The following RYR3 variants were observed in gnomAD, a reference collection of about 807,000 sequenced individuals.
The protein encoded by RYR3 is ryanodine receptor 3, also known as brain ryanodine receptor-calcium release channel.
RYR3 carries 207 observed loss-of-function variants against 584.3 expected under a neutral mutation model. The observed-to-expected ratio is 0.35, with a 90% CI of 0.32 to 0.40. The LOEUF (loss-of-function observed/expected upper bound fraction) is 0.40, where lower values mean the gene tolerates loss of function less well. RYR3 is among the 10% of genes least tolerant of loss of function. RYR3 has a pLI of 1.00. For synonymous variants in RYR3, 2,416 were observed against 2,248.5 expected, an observed-to-expected ratio of 1.07 and a Z score of -2.11; for missense variants, 5,616 against 6,089.2, an observed-to-expected ratio of 0.92 and a Z score of 2.59.
chr15:33,853,146 T>TTAAG, intron 95 of RYR3, 59 bp downstream of exon 95: 2 of 1,391,984 alleles, frequency 1.4e-6, no homozygotes, highest in Non-Finnish European at 1.9e-6. Flanking sequence ...TGTATGTTTT[T>TTAAG]TAAGTTCTCC....
chr15:33,337,934 ATTTTTTTTTTTTTT>A (rs199625940), intron 1 of RYR3, among the ~76,000 whole-genome samples: 9,439 of 113,764 alleles, frequency 0.083, 653 homozygotes, highest in African/African-American at 0.19. Flanking sequence ...ATTTTAGGAG[ATTTTTTTTTTTTTT>A]TTTTTTTTTT....
In RYR3 at chr15:33,334,347, G is replaced by A. The variant is rs918960921; in HGVS notation, c.51+23251G>A. Among the ~76,000 whole-genome samples the A allele has an allele frequency of 2.6e-5, 4 of 152,138 alleles. 1 individual carries two copies. The highest frequency in any genetic ancestry group is 2.6e-4 in the Admixed American group (4 of 15,276). On this transcript the variant is annotated intron_variant, in intron 1 of 103. Transcript: ENST00000634891. ...ACAAGAACAGACACATAGACCGATG[G>A]AACAGAATAGAGAACGCAGAAATAA...
At chr15:33,354,999 C>T (rs1973768090) in intron 1 of RYR3, among the ~76,000 whole-genome samples, 1 of 152,058 alleles carries the variant, frequency 6.6e-6, no homozygotes, top group African/African-American at 2.4e-5. Context: ...GCCTGGCCAA[C>T]ATGGTGAAAC....
intron 64 of RYR3, among the ~76,000 whole-genome samples, chr15:33,776,018 G>C (rs755821869): frequency 6.6e-6 from 1 of 152,138 alleles, no homozygotes; most frequent in Non-Finnish European, 1.5e-5. Flanking sequence ...TGTCTTCCCA[G>C]TTTCTTTTCA....
intron 2 of RYR3, among the ~76,000 whole-genome samples, chr15:33,484,285 AGAG>A (rs2050222400): frequency 8.4e-6 from 1 of 118,708 alleles, no homozygotes; most frequent in Non-Finnish European, 2.0e-5. Flanking sequence ...GTTTCTAGGA[AGAG>A]AAGAAAAGGG....
At chr15:33,357,719 C>CATTTAT (rs1187384852) in intron 1 of RYR3, among the ~76,000 whole-genome samples, 2 of 152,172 alleles carry the variant, frequency 1.3e-5, no homozygotes, top group East Asian at 3.9e-4. Context: ...ACTCCACCTT[C>CATTTAT]ATTTATAAGT....
At chr15:33,789,643 TATATA>T (rs2074990293) in intron 67 of RYR3, among the ~76,000 whole-genome samples, 1 of 25,718 alleles carries the variant, frequency 3.9e-5, no homozygotes, top group Non-Finnish European at 7.6e-5. Flanking sequence ...TATATATATA[TATATA>T]TATATATATA....
chr15:33,454,626 T>C (rs1364474409), intron 1 of RYR3, among the ~76,000 whole-genome samples: 1 of 152,138 alleles, frequency 6.6e-6, no homozygotes, highest in African/African-American at 2.4e-5. Context: ...GTCCCAGAAG[T>C]ATGCAGGGAG....
intron 1 of RYR3, among the ~76,000 whole-genome samples, chr15:33,331,689 C>CT (rs569512116): frequency 6.9e-4 from 105 of 151,598 alleles, no homozygotes; most frequent in African/African-American, 2.4e-3. Context: ...ACAGACAGAA[C>CT]TTAGCTAAAG....
chr15:33,812,559 G>C (rs2076608605), intron 72 of RYR3, among the ~76,000 whole-genome samples: 1 of 151,982 alleles, frequency 6.6e-6, no homozygotes, highest in Admixed American at 6.6e-5. Context: ...GTTAAAAATA[G>C]GCTACACATA....
intron 10 of RYR3, among the ~76,000 whole-genome samples, chr15:33,551,259 A>C (rs760008356): frequency 1.3e-5 from 2 of 152,198 alleles, no homozygotes; most frequent in South Asian, 4.1e-4. Flanking sequence ...GTATAGCTCA[A>C]TATCTCCTTT....
intron 18 of RYR3, among the ~76,000 whole-genome samples, chr15:33,603,778 G>C (rs1022995538): frequency 6.6e-6 from 1 of 152,160 alleles, no homozygotes; most frequent in Non-Finnish European, 1.5e-5. Context: ...GCATAAAGAT[G>C]GTTCAGTAAT....
intron 38 of RYR3, among the ~76,000 whole-genome samples, chr15:33,672,447 G>A (rs921552569): frequency 3.9e-5 from 6 of 152,124 alleles, no homozygotes; most frequent in African/African-American, 1.4e-4. Context: ...TTCACGTTTC[G>A]TGTCATAAGT....
intron 75 of RYR3, 113 bp downstream of exon 75, chr15:33,817,071 G>T (rs1017172375): frequency 6.3e-6 from 4 of 632,948 alleles, no homozygotes; most frequent in African/African-American, 5.5e-5. Context: ...GTATACAGTT[G>T]AAAAGCACTA....
intron 15 of RYR3, 102 bp from the exon 16 acceptor site, chr15:33,585,896 C>T: frequency 1.5e-6 from 1 of 677,776 alleles, no homozygotes; most frequent in Non-Finnish European, 2.7e-6. Flanking sequence ...TTGACGATAT[C>T]CTGTCCCCTC....
Position 33,647,408 on chromosome 15 carries a change from A to T in RYR3, c.3942-16A>T, listed in dbSNP as rs1461099857. On this transcript the variant is annotated splice_polypyrimidine_tract_variant and intron_variant, in intron 29 of 103. Transcript: ENST00000634891. ...ATACAGCTGAATAACTAAAACATGG[A>T]TTATCTTTCCCCCAGGAAACAGATG... is the stretch of plus-strand genomic sequence containing the variant. 2 of 1,602,376 alleles carry T rather than the reference A, an allele frequency of 1.2e-6. No individual in the cohort carries two copies. Among genetic ancestry groups the T allele is most frequent in the South Asian group, 2.2e-5 (2 of 90,766 alleles).
chr15:33,821,418 T>A lies in RYR3; in HGVS notation c.10915+49T>A. On this transcript the variant is annotated intron_variant, in intron 79 of 103. Coordinates refer to ENST00000634891, the MANE Select transcript of RYR3 (RefSeq NM_001036.6). ...GGCTTATGTAACTTCCACAAAGATA[T>A]CATGCTGTGACATACAGCCATTATT... The A allele has an allele frequency of 3.2e-6, 5 of 1,584,778 alleles. 1 individual carries two copies. In the Middle Eastern group the frequency reaches 6.6e-4, roughly 211 times the overall value.
rs757457124 is a variant in RYR3, at chr15:33,662,912, G to T, written c.5382G>T (p.Leu1794Phe). The change falls in exon 35 of 104, where the codon TTG becomes TTT. Residue 1794 changes from leucine (L) to phenylalanine (F), a missense_variant. Leu to Phe is a conservative substitution (Grantham distance 22). Around this residue, in one of 9 missense-constraint regions of RYR3, gnomAD observed 753 missense variants for 741.0 expected, o/e 1.02. Transcript: ENST00000634891. ...KAGKEAPVKG[L>F]LQTRLPESVK... ...GCAAGGAGGCTCCTGTCAAAGGCTT[G>T]TTGCAGACTCGATTACCCGAATCCG... The T allele has an allele frequency of 3.1e-6, 5 of 1,613,240 alleles. No homozygotes were observed. In the South Asian group the frequency reaches 5.5e-5, roughly 18 times the overall value.
chr15:33,352,029 C>G (rs1279175135), intron 1 of RYR3, among the ~76,000 whole-genome samples: 1 of 152,188 alleles, frequency 6.6e-6, no homozygotes, highest in Non-Finnish European at 1.5e-5. Flanking sequence ...AGCCCAAAAT[C>G]TCCTTAAGCT....
Sources: allele counts gnomAD v4.1 joint callset (sites outside exome capture counted in the v4.1 genomes callset), GRCh38; gene constraint gnomAD v4.1.1; regional missense constraint gnomAD v4.1.1; transcripts MANE v1.5; gene names NCBI Gene and HGNC (gene_info 2026-07-23, HGNC 2026-07-21).